The following SNX29 variants were observed in gnomAD, a reference collection of about 807,000 sequenced individuals.
SNX29 encodes the protein sorting nexin-29.
A neutral mutation model predicts 102.1 loss-of-function variants in SNX29; 78 were observed. The observed-to-expected ratio is 0.76, with a 90% CI of 0.64 to 0.92. The LOEUF (loss-of-function observed/expected upper bound fraction) is 0.92, where lower values mean the gene tolerates loss of function less well. SNX29 is among the 40% of genes least tolerant of loss of function. SNX29 has a pLI of 0.00. For missense variants in SNX29, 1,280 were observed against 1,061.7 expected (o/e 1.21, Z -2.86); for synonymous variants, 580 against 414.5 (o/e 1.40, Z -4.85).
rs578221735 is a variant in SNX29 at position 12,488,153 on chromosome 16, G to A, written c.2178+10294G>A. On this transcript the variant is annotated intron_variant, in intron 19 of 20. Transcript: ENST00000566228. ...AAATCCAGTAAGAAAAAAAATTAAG[G>A]TCATTTATAGACAAAAGAATCCAGA... is the stretch of plus-strand genomic sequence containing the variant. Among the ~76,000 whole-genome samples, 3 of 152,166 alleles carry A rather than the reference G, an allele frequency of 2.0e-5. No individual in the cohort carries two copies. In the South Asian group the frequency reaches 6.2e-4, roughly 32 times the overall value.
chr16:12,323,202 T>C (rs200222992), intron 15 of SNX29, among the ~76,000 whole-genome samples: 215 of 63,868 alleles, frequency 3.4e-3, no homozygotes, highest in East Asian at 6.5e-3. Flanking sequence ...TGTCAGGATG[T>C]GGTCACTGGA....
At chr16:12,513,855 C>T (rs932897645) in intron 19 of SNX29, among the ~76,000 whole-genome samples, 2 of 152,258 alleles carry the variant, frequency 1.3e-5, no homozygotes, top group African/African-American at 4.8e-5. Flanking sequence ...CCATGCCCGA[C>T]TATTTGTTGC....
intron 19 of SNX29, among the ~76,000 whole-genome samples, chr16:12,510,013 A>T (rs955558295): frequency 6.6e-6 from 1 of 152,192 alleles, no homozygotes. Flanking sequence ...CGTAGTCCTC[A>T]TTCTTTGGCT....
intron 18 of SNX29, among the ~76,000 whole-genome samples, chr16:12,404,887 T>C (rs987272269): frequency 1.6e-4 from 25 of 152,214 alleles, no homozygotes; most frequent in African/African-American, 5.3e-4. Context: ...AAGCATAATA[T>C]GCACATCTTA....
chr16:12,338,373 G>T (rs1411589922), intron 15 of SNX29, among the ~76,000 whole-genome samples: 1 of 152,154 alleles, frequency 6.6e-6, no homozygotes, highest in Non-Finnish European at 1.5e-5. Context: ...AGCTCATCGG[G>T]GATCAGACCA....
At position 12,572,439 on chromosome 16, in the gene SNX29, T is replaced by C. The variant is rs994004840; in HGVS notation, c.*3810T>C. 6.6e-6 allele frequency: 7 copies of C among 1,062,910 alleles called. No homozygotes were observed. Among genetic ancestry groups the C allele is most frequent in the Admixed American group, 1.1e-4 (2 of 18,640 alleles). 65.8% of individuals were successfully genotyped at this position (1,062,910 alleles called of 1,614,324 possible). A position where few individuals can be genotyped will look rare whatever the true frequency, so the allele number is the denominator to read the frequency against. On this transcript the variant is annotated 3_prime_UTR_variant, in exon 21 of 21. Coordinates refer to ENST00000566228, the MANE Select transcript of SNX29 (RefSeq NM_032167.5). ...CCCAGGCCGGCAGTGGCTGCCTCTC[T>C]TGGTTCTGCATGGTACATTTTGCCA...
intron 14 of SNX29, among the ~76,000 whole-genome samples, chr16:12,220,671 TTTTTC>T (rs1175326145): frequency 6.6e-6 from 1 of 152,236 alleles, no homozygotes; most frequent in African/African-American, 2.4e-5. Flanking sequence ...ACCTAAAATA[TTTTTC>T]TTTTCTTTTC....
chr16:12,444,792 G>A (rs1006746060), intron 18 of SNX29, among the ~76,000 whole-genome samples: 5 of 151,106 alleles, frequency 3.3e-5, no homozygotes, highest in African/African-American at 1.2e-4. Context: ...TCAGGGGTGA[G>A]CAAACTGTGG....
At chr16:12,344,993 G>A (rs16959263) in intron 15 of SNX29, among the ~76,000 whole-genome samples, 2 of 152,148 alleles carry the variant, frequency 1.3e-5, no homozygotes, top group South Asian at 4.1e-4. Context: ...ATTGTGTGGC[G>A]CCAAGTAAAC....
At chr16:12,249,533 A>G (rs1239202718) in intron 14 of SNX29, among the ~76,000 whole-genome samples, 1 of 152,174 alleles carries the variant, frequency 6.6e-6, no homozygotes, top group Admixed American at 6.5e-5. Context: ...ATTCCAGGCC[A>G]CTGGTCTAAC....
At chr16:12,267,968 C>G (rs11075058) in intron 14 of SNX29, among the ~76,000 whole-genome samples, 83,744 of 151,982 alleles carry the variant, frequency 0.55, 23,429 homozygotes, top group Middle Eastern at 0.61. Flanking sequence ...CACATGGGGC[C>G]TCCTCACTGT....
chr16:12,487,506 G>T (rs998495712), intron 19 of SNX29, among the ~76,000 whole-genome samples: 2 of 152,206 alleles, frequency 1.3e-5, no homozygotes, highest in African/African-American at 4.8e-5. Flanking sequence ...CCCGTAGCTT[G>T]TAAGTGCCGG....
intron 13 of SNX29, among the ~76,000 whole-genome samples, chr16:12,166,941 T>G (rs1355252288): frequency 6.6e-6 from 1 of 152,208 alleles, no homozygotes; most frequent in Non-Finnish European, 1.5e-5. Flanking sequence ...GTCTTTGCTT[T>G]GGGTTGCTGC....
rs1257356925 is a variant in SNX29 at position 12,570,899 on chromosome 16, A to T, written c.*2270A>T. The stretch of plus-strand genomic sequence containing the variant: ...TATAATACTGAATTATTCACAAAAA[A>T]CCTGGTCTGCTCTCCAAAATGAGAG... On this transcript the variant is annotated 3_prime_UTR_variant, in exon 21 of 21. Transcript: ENST00000566228. The T allele has an allele frequency of 8.8e-6, 2 of 228,124 alleles. No individual in the cohort carries two copies. The highest frequency in any genetic ancestry group is 1.7e-5 in the Non-Finnish European group (2 of 116,218). The allele number at this position is 228,124 out of a possible 1,614,324, so 14.1% of individuals were successfully genotyped here.
rs572002254 is a variant in SNX29, at chr16:12,264,792, T to A, written c.1679-13141T>A. 8.7e-5 allele frequency among the ~76,000 whole-genome samples: 13 copies of A among 149,840 alleles called. No homozygotes were observed. The South Asian group carries it at 2.1e-3, about 24-fold the overall frequency. On this transcript the variant is annotated intron_variant, in intron 14 of 20. Transcript: ENST00000566228. ...CAAAAAAAAAAAAAAGCTTCACAGG[T>A]TTAGGATGAAAACACTTATTATCTA...
intron 15 of SNX29, among the ~76,000 whole-genome samples, chr16:12,328,606 T>G (rs1459148645): frequency 1.3e-5 from 2 of 152,096 alleles, no homozygotes; most frequent in Admixed American, 6.5e-5. Context: ...TTCTCTGACT[T>G]CTCGGTCAGC....
chr16:12,415,158 C>T (rs1361890175), intron 18 of SNX29, among the ~76,000 whole-genome samples: 1 of 152,228 alleles, frequency 6.6e-6, no homozygotes, highest in Non-Finnish European at 1.5e-5. Context: ...GCTTGTGTGC[C>T]CTGGGAGCAG....
chr16:12,522,654 G>A (rs1190187477), intron 19 of SNX29, among the ~76,000 whole-genome samples: 3 of 151,974 alleles, frequency 2.0e-5, no homozygotes, highest in East Asian at 3.9e-4. Context: ...CTCCTGCTCC[G>A]GCCACGTAAG....
intron 19 of SNX29, among the ~76,000 whole-genome samples, chr16:12,508,940 A>T (rs192502105): frequency 6.6e-6 from 1 of 152,076 alleles, no homozygotes; most frequent in Non-Finnish European, 1.5e-5. Flanking sequence ...ATCTCCTTTG[A>T]GCCTCATCTG....
Sources: gnomAD v4.1 joint callset for allele counts (sites outside exome capture counted in the v4.1 genomes callset) on GRCh38, gnomAD v4.1.1 for gene constraint, MANE v1.5 for transcripts, NCBI Gene and HGNC (gene_info 2026-07-23, HGNC 2026-07-21) for gene names.